IMMP2L: variants seen among roughly 807,000 people sequenced by gnomAD.
The protein encoded by IMMP2L is inner mitochondrial membrane peptidase subunit 2.
Under a neutral mutation model 19.3 loss-of-function variants are expected in IMMP2L, and 18 were observed. That is an observed-to-expected ratio of 0.93 (90% confidence interval 0.64 to 1.38). IMMP2L has a LOEUF of 1.38. Ranked by LOEUF, IMMP2L falls within the 40% of genes most tolerant of loss-of-function variation. The pLI is 0.00. For synonymous variants in IMMP2L, 76 were observed against 73.0 expected (o/e 1.04, Z -0.21); for missense variants, 233 against 218.2 (o/e 1.07, Z -0.43).
intron 3 of IMMP2L, among the ~76,000 whole-genome samples, chr7:111,341,733 G>A (rs1050930423): frequency 1.3e-5 from 2 of 152,140 alleles, no homozygotes; most frequent in African/African-American, 2.4e-5. Context: ...TGGTCTGAAC[G>A]TGTCTTCCAA....
intron 3 of IMMP2L, among the ~76,000 whole-genome samples, chr7:111,156,083 C>T (rs571368800): frequency 1.2e-3 from 183 of 152,152 alleles, no homozygotes; most frequent in Non-Finnish European, 2.1e-3. Context: ...TTTATATCTA[C>T]AAGATTTTTA....
intron 1 of IMMP2L, among the ~76,000 whole-genome samples, chr7:111,531,469 A>T (rs1280462738): frequency 6.6e-6 from 1 of 152,070 alleles, no homozygotes; most frequent in African/African-American, 2.4e-5. Context: ...AGCATTTACA[A>T]CCAAGGCCTA....
intron 1 of IMMP2L, among the ~76,000 whole-genome samples, chr7:111,549,052 A>C (rs755921623): frequency 2.6e-5 from 4 of 152,192 alleles, no homozygotes; most frequent in Non-Finnish European, 5.9e-5. Flanking sequence ...TTTCAGAAGA[A>C]GACAAGGCTT....
chr7:111,365,952 G>C (rs1219543808), intron 3 of IMMP2L, among the ~76,000 whole-genome samples: 1 of 152,084 alleles, frequency 6.6e-6, no homozygotes, highest in Admixed American at 6.6e-5. Flanking sequence ...AGGAAGAAGG[G>C]ATGACTGGTA....
chr7:111,345,196 T>C (rs1827414663), intron 3 of IMMP2L, among the ~76,000 whole-genome samples: 1 of 152,166 alleles, frequency 6.6e-6, no homozygotes, highest in Admixed American at 6.6e-5. Context: ...CCTGGGCAAA[T>C]CTAATATTAC....
chr7:111,470,153 T>C (rs898601815), intron 3 of IMMP2L, among the ~76,000 whole-genome samples: 2 of 152,040 alleles, frequency 1.3e-5, no homozygotes, highest in Admixed American at 6.6e-5. Context: ...ATCAGAGAAA[T>C]GCAAATCAAA....
chr7:111,539,160 G>T (rs1848186406), intron 1 of IMMP2L, among the ~76,000 whole-genome samples: 1 of 53,046 alleles, frequency 1.9e-5, no homozygotes, highest in Non-Finnish European at 3.5e-5. Flanking sequence ...AGGAAGGAAG[G>T]AAGGAAGGAA....
intron 5 of IMMP2L, among the ~76,000 whole-genome samples, chr7:110,864,453 T>C (rs1442377447): frequency 6.6e-6 from 1 of 151,954 alleles, no homozygotes; most frequent in Non-Finnish European, 1.5e-5. Context: ...AATAGAAAAA[T>C]ATATTTATAA....
At chr7:111,306,025 C>A (rs1822827790) in intron 3 of IMMP2L, among the ~76,000 whole-genome samples, 3 of 152,052 alleles carry the variant, frequency 2.0e-5, no homozygotes, top group Admixed American at 2.0e-4. Flanking sequence ...AAAGATGGCC[C>A]AAATTTGCAA....
At chr7:110,831,275 T>C (rs1803947738) in intron 5 of IMMP2L, among the ~76,000 whole-genome samples, 1 of 152,134 alleles carries the variant, frequency 6.6e-6, no homozygotes, top group African/African-American at 2.4e-5. Context: ...TCTCTAACTT[T>C]TCTGTTTTCC....
intron 5 of IMMP2L, among the ~76,000 whole-genome samples, chr7:110,694,142 G>A (rs1793704558): frequency 6.6e-6 from 1 of 152,074 alleles, no homozygotes; most frequent in African/African-American, 2.4e-5. Context: ...GGATACATAA[G>A]GATTAAGTCT....
In IMMP2L at chr7:110,902,650, C is replaced by T. The variant is rs892905223; in HGVS notation, c.306-15955G>A. 2.1e-4 allele frequency among the ~76,000 whole-genome samples: 8 copies of T among 38,232 alleles called. 3 individuals are homozygous for T. The highest frequency in any genetic ancestry group is 3.5e-4 in the Non-Finnish European group (8 of 22,710). 25.1% of individuals were successfully genotyped at this position (38,232 alleles called of 152,430 possible). ...TCTAAAGAGTACAGACTCGGCCGGG[C>T]GCGGTGGCTCACGCCTGTAATCCCA... On this transcript the variant is annotated intron_variant, in intron 4 of 5. Transcript: ENST00000405709.
chr7:111,556,709 T>C (rs1404570047), intron 1 of IMMP2L, among the ~76,000 whole-genome samples: 1 of 152,182 alleles, frequency 6.6e-6, no homozygotes, highest in Non-Finnish European at 1.5e-5. Context: ...TTTAAATTTT[T>C]ACATTCTCTA....
chr7:111,198,207 T>C (rs1809711419), intron 3 of IMMP2L, among the ~76,000 whole-genome samples: 1 of 152,110 alleles, frequency 6.6e-6, no homozygotes, highest in Non-Finnish European at 1.5e-5. Flanking sequence ...AAAAAAATGC[T>C]CTCTCTAGTC....
chr7:110,955,431 T>G (rs544177633), intron 4 of IMMP2L, among the ~76,000 whole-genome samples: 2 of 152,032 alleles, frequency 1.3e-5, no homozygotes, highest in South Asian at 4.1e-4. Flanking sequence ...TCTTATTTGG[T>G]GACAACTAAA....
chr7:111,015,884 G>A (rs78971192), intron 3 of IMMP2L, among the ~76,000 whole-genome samples: 2 of 151,980 alleles, frequency 1.3e-5, no homozygotes, highest in African/African-American at 4.8e-5. Flanking sequence ...AAACACCAAA[G>A]ACTCTTAAGC....
intron 2 of IMMP2L, among the ~76,000 whole-genome samples, chr7:111,519,496 C>T (rs74584957): frequency 0.014 from 2,183 of 152,240 alleles, 46 homozygotes; most frequent in African/African-American, 0.05. Context: ...AATCCTAATA[C>T]CTCTGCAAAT....
intron 3 of IMMP2L, among the ~76,000 whole-genome samples, chr7:111,212,234 T>A (rs1386754008): frequency 6.6e-6 from 1 of 152,146 alleles, no homozygotes; most frequent in Admixed American, 6.5e-5. Flanking sequence ...CAGGGAACCC[T>A]AATCTGGAAG....
At chr7:111,283,706 T>C (rs894546373) in intron 3 of IMMP2L, among the ~76,000 whole-genome samples, 6 of 152,026 alleles carry the variant, frequency 3.9e-5, no homozygotes, top group Admixed American at 6.6e-5. Flanking sequence ...GCGCGGTGGC[T>C]CACGCCTGTA....
Sources: gnomAD v4.1 joint callset for allele counts (sites outside exome capture counted in the v4.1 genomes callset) on GRCh38, gnomAD v4.1.1 for gene constraint, MANE v1.5 for transcripts, NCBI Gene and HGNC (gene_info 2026-07-23, HGNC 2026-07-21) for gene names.